The following MPDZ variants were observed in gnomAD, a reference collection of about 807,000 sequenced individuals.
MPDZ encodes the protein multiple PDZ domain protein.
In MPDZ, 234 loss-of-function variants were observed where a neutral mutation model predicts 239.1. The ratio of observed to expected loss-of-function variants is 0.98; its 90% CI spans 0.88 to 1.09. The LOEUF (loss-of-function observed/expected upper bound fraction) is 1.09. Among genes scored for constraint, MPDZ ranks in the 50% least tolerant of loss-of-function variants. The pLI is 0.00. For synonymous variants in MPDZ, 1,048 were observed against 881.3 expected (o/e 1.19, Z -3.35); for missense variants, 3,175 against 2,510.0 (o/e 1.26, Z -5.66).
At chr9:13,155,502 T>C (rs1587330861) in intron 24 of MPDZ, among the ~76,000 whole-genome samples, 1 of 152,216 alleles carries the variant, frequency 6.6e-6, no homozygotes, top group East Asian at 1.9e-4. Context: ...ATGAATTAGA[T>C]CTTTAAGTAT....
chr9:13,206,265 CAGTATTAACAGGGATGCACT>C (rs1046681318), intron 10 of MPDZ, among the ~76,000 whole-genome samples, 166 bp from the exon 11 acceptor site: 3 of 151,940 alleles, frequency 2.0e-5, no homozygotes, highest in Admixed American at 1.3e-4. Flanking sequence ...CTTTGGAAAC[CAGTATTAACAGGGATGCACT>C]AGAATCATTT....
chr9:13,259,883 G>T (rs1442714025), intron 1 of MPDZ, among the ~76,000 whole-genome samples: 1 of 152,068 alleles, frequency 6.6e-6, no homozygotes, highest in African/African-American at 2.4e-5. Flanking sequence ...ACTCAGGCTG[G>T]AGTACAGTGG....
At chr9:13,214,984 A>G (rs1200420904) in intron 10 of MPDZ, among the ~76,000 whole-genome samples, 2 of 152,002 alleles carry the variant, frequency 1.3e-5, no homozygotes, top group Non-Finnish European at 2.9e-5. Flanking sequence ...CGTGGTAGAA[A>G]AACACAATAT....
intron 7 of MPDZ, 29 bp from the exon 8 acceptor site, chr9:13,219,797 CTAT>C: frequency 1.3e-6 from 2 of 1,587,498 alleles, no homozygotes; most frequent in Non-Finnish European, 1.7e-6. Flanking sequence ...AATAATTAGA[CTAT>C]TATTATTTTA....
At chr9:13,169,078 A>G (rs1456707083) in intron 21 of MPDZ, among the ~76,000 whole-genome samples, 1 of 152,190 alleles carries the variant, frequency 6.6e-6, no homozygotes, top group Non-Finnish European at 1.5e-5. Context: ...ATAACAGCAT[A>G]GCACAGAATT....
intron 1 of MPDZ, among the ~76,000 whole-genome samples, chr9:13,252,610 C>T (rs1968374900): frequency 6.6e-6 from 1 of 150,720 alleles, no homozygotes; most frequent in South Asian, 2.1e-4. Context: ...GTGGCTCATG[C>T]CTGTAATCCC....
chr9:13,269,424 G>C (rs949197617), intron 1 of MPDZ, among the ~76,000 whole-genome samples: 1 of 152,120 alleles, frequency 6.6e-6, no homozygotes, highest in African/African-American at 2.4e-5. Flanking sequence ...AGCACCAGAA[G>C]TAATGGCTGT....
At chr9:13,240,813 G>C (rs1459609620) in intron 3 of MPDZ, among the ~76,000 whole-genome samples, 2 of 151,912 alleles carry the variant, frequency 1.3e-5, no homozygotes, top group African/African-American at 4.8e-5. Context: ...AATTGTTGTA[G>C]CTTCAAGTGA....
At chr9:13,252,581 A>AC (rs1318086794) in intron 1 of MPDZ, among the ~76,000 whole-genome samples, 2 of 146,568 alleles carry the variant, frequency 1.4e-5, no homozygotes, top group Admixed American at 1.4e-4. Context: ...AAAAAAAAAA[A>AC]AAAATCGGGC....
chr9:13,140,389 T>C (rs1947478940), intron 27 of MPDZ, among the ~76,000 whole-genome samples: 1 of 142,670 alleles, frequency 7.0e-6, no homozygotes, highest in South Asian at 2.2e-4. Context: ...ATTTTATATA[T>C]ATACATATAT....
chr9:13,253,687 T>A (rs2138235285), intron 1 of MPDZ, among the ~76,000 whole-genome samples: 1 of 152,314 alleles, frequency 6.6e-6, no homozygotes, highest in African/African-American at 2.4e-5. Context: ...GAATGGCAAG[T>A]TCTGAGGAAT....
Position 13,181,109 on chromosome 9 carries a change from T to A in MPDZ, c.2649+2309A>T, listed in dbSNP as rs146841662. On this transcript the variant is annotated intron_variant, in intron 19 of 46. Coordinates refer to ENST00000319217, the MANE Select transcript of MPDZ (RefSeq NM_001378778.1). ...ATTATTTGTTCATACCCTGTTGCCA[T>A]TTAAGGCTACAAGATAATCACATAG... is the stretch of plus-strand genomic sequence containing the variant. 2.4e-3 allele frequency among the ~76,000 whole-genome samples: 363 copies of A among 152,286 alleles called. 2 individuals are homozygous for A. Among genetic ancestry groups the A allele is most frequent in the African/African-American group, 8.4e-3 (348 of 41,580 alleles).
intron 23 of MPDZ, among the ~76,000 whole-genome samples, chr9:13,161,057 G>C (rs1950431116): frequency 6.6e-6 from 1 of 151,136 alleles, no homozygotes; most frequent in Admixed American, 6.6e-5. Context: ...CAGATAATGA[G>C]GGACAATTAT....
At chr9:13,240,416 A>G (rs1200406342) in intron 3 of MPDZ, among the ~76,000 whole-genome samples, 1 of 151,814 alleles carries the variant, frequency 6.6e-6, no homozygotes, top group Non-Finnish European at 1.5e-5. Context: ...AATCTGGGAG[A>G]AGAATTTATA....
At position 13,113,981 on chromosome 9, in the gene MPDZ, G is replaced by A. The variant is rs755059203; in HGVS notation, c.5507C>T (p.Ser1836Phe). The part of the protein sequence containing the change: ...GSLSSFTFPL[S>F]GSSTSESLES... ...CAGTGACTCAGATGTACTGGATCCA[G>A]AGAGTGGAAAAGTGAAAGATGACAG... Residue 1836 changes from serine to phenylalanine, a missense_variant, in exon 41 of 47, where the codon TCT (serine) becomes TTT (phenylalanine). By Grantham distance (155) the Ser-to-Phe change is radical. Coordinates refer to ENST00000319217, the MANE Select transcript of MPDZ (RefSeq NM_001378778.1). 2 of 1,599,208 alleles carry A rather than the reference G, an allele frequency of 1.3e-6. No homozygotes were observed. The highest frequency in any genetic ancestry group is 2.7e-5 in the African/African-American group (2 of 74,872).
intron 1 of MPDZ, 137 bp downstream of exon 1, chr9:13,279,263 A>ACCCCCC (rs1306373701): frequency 1.2e-4 from 4 of 34,418 alleles, no homozygotes; most frequent in African/African-American, 4.6e-4. Flanking sequence ...CCCCACCCCC[A>ACCCCCC]CCCCCACCCC....
At chr9:13,117,605 C>A (rs1419246730) in intron 39 of MPDZ, among the ~76,000 whole-genome samples, 1 of 151,866 alleles carries the variant, frequency 6.6e-6, no homozygotes, top group Non-Finnish European at 1.5e-5. Flanking sequence ...CTATTTATAC[C>A]AAAGTTTATA....
rs376071935 is a variant in MPDZ, at chr9:13,205,379, T to C, written c.1475-272A>G. Among the ~76,000 whole-genome samples the C allele has an allele frequency of 2.0e-5, 3 of 152,310 alleles. No homozygotes were observed. In the East Asian group the frequency reaches 5.8e-4, roughly 29 times the overall value. Reference sequence around the variant, plus strand: ...CAATTTTAGAAATGAAACAGCACTTTTCAGCGAAAAGCCTGATTTCTACCA... The same window carrying C: ...CAATTTTAGAAATGAAACAGCACTTCTCAGCGAAAAGCCTGATTTCTACCA... On this transcript the variant is annotated intron_variant, in intron 11 of 46. Transcript: ENST00000319217.
At chr9:13,140,191 G>A in intron 27 of MPDZ, 42 bp from the exon 28 acceptor site, 2 of 1,565,400 alleles carry the variant, frequency 1.3e-6, no homozygotes, top group Non-Finnish European at 1.7e-6. Flanking sequence ...TACAGTCTAA[G>A]GAAGAAAACT....
Sources: allele counts gnomAD v4.1 joint callset (sites outside exome capture counted in the v4.1 genomes callset), GRCh38; gene constraint gnomAD v4.1.1; transcripts MANE v1.5; gene names NCBI Gene and HGNC (gene_info 2026-07-23, HGNC 2026-07-21).